TBC1D4: variants seen among roughly 807,000 people sequenced by gnomAD.
TBC1D4 encodes the protein TBC (Tre-2, BUB2, CDC16) domain-containing protein.
A neutral mutation model predicts 142.5 loss-of-function variants in TBC1D4; 121 were observed. The ratio of observed to expected loss-of-function variants is 0.85; its 90% CI spans 0.73 to 0.99. The LOEUF is 0.99. TBC1D4 is among the 50% of genes least tolerant of loss of function. The pLI is 0.00. For synonymous variants in TBC1D4, 630 were observed against 628.2 expected (o/e 1.00, Z -0.04); for missense variants, 1,475 against 1,606.6 (o/e 0.92, Z 1.40).
chr13:75,294,827 T>C, intron 18 of TBC1D4, 27 bp downstream of exon 18: 26 of 1,608,552 alleles, frequency 1.6e-5, no homozygotes, highest in Non-Finnish European at 2.2e-5. Flanking sequence ...AATAATACTG[T>C]TCCATTTAAT....
intron 12 of TBC1D4, 100 bp from the exon 13 acceptor site, chr13:75,312,998 G>C: frequency 1.5e-6 from 2 of 1,355,378 alleles, no homozygotes; most frequent in South Asian, 2.4e-5. Flanking sequence ...TTCTGTCACG[G>C]GCAAGCACAA....
intron 1 of TBC1D4, among the ~76,000 whole-genome samples, chr13:75,453,144 C>T (rs1280983280): frequency 6.6e-6 from 1 of 151,546 alleles, no homozygotes; most frequent in Non-Finnish European, 1.5e-5. Flanking sequence ...ATACATAATT[C>T]CTGAATTAAT....
intron 1 of TBC1D4, among the ~76,000 whole-genome samples, chr13:75,447,527 T>TGC (rs1887341149): frequency 6.6e-6 from 1 of 151,434 alleles, no homozygotes; most frequent in Non-Finnish European, 1.5e-5. Context: ...TGTGTGTGTG[T>TGC]GTGTGTGTAC....
At chr13:75,428,180 CT>C (rs932923490) in intron 1 of TBC1D4, among the ~76,000 whole-genome samples, 6 of 151,890 alleles carry the variant, frequency 4.0e-5, no homozygotes, top group African/African-American at 1.5e-4. Flanking sequence ...TTGGGGAGGA[CT>C]TGGGGGGAGT....
In TBC1D4 at chr13:75,286,615, G is replaced by A; in HGVS notation, c.*177C>T. ...AAAAACCAGTCTACATATGTCCAAT[G>A]GCTTAGGATTGGCATGCTCTGATGA... On this transcript the variant is annotated 3_prime_UTR_variant, in exon 21 of 21. Transcript: ENST00000377636. 1 of 640,818 alleles carries A rather than the reference G, an allele frequency of 1.6e-6. No homozygotes were observed. Among genetic ancestry groups the A allele is most frequent in the Non-Finnish European group, 2.8e-6 (1 of 360,714 alleles). 39.7% of individuals were successfully genotyped at this position (640,818 alleles called of 1,614,324 possible).
chr13:75,291,794 A>G (rs1391855222), intron 19 of TBC1D4, among the ~76,000 whole-genome samples: 1 of 152,196 alleles, frequency 6.6e-6, no homozygotes, highest in Non-Finnish European at 1.5e-5. Context: ...TTAACAATAT[A>G]ACAAAGGCAA....
intron 1 of TBC1D4, among the ~76,000 whole-genome samples, chr13:75,458,434 T>C (rs558412437): frequency 6.6e-6 from 1 of 152,198 alleles, no homozygotes; most frequent in Admixed American, 6.5e-5. Context: ...GGGCTCGAGG[T>C]AGGGATGTGG....
intron 8 of TBC1D4, among the ~76,000 whole-genome samples, chr13:75,333,579 T>A (rs1478649763): frequency 6.6e-6 from 1 of 152,122 alleles, no homozygotes; most frequent in Non-Finnish European, 1.5e-5. Flanking sequence ...AATATAAAGC[T>A]CCACCACCCT....
At chr13:75,343,683 C>T (rs1315927955) in intron 5 of TBC1D4, among the ~76,000 whole-genome samples, 1 of 151,880 alleles carries the variant, frequency 6.6e-6, no homozygotes, top group Non-Finnish European at 1.5e-5. Context: ...CACCCAGCTA[C>T]TTTTGTATTT....
At chr13:75,365,542 A>C (rs150491179) in intron 1 of TBC1D4, among the ~76,000 whole-genome samples, 213 of 152,336 alleles carry the variant, frequency 1.4e-3, no homozygotes, top group African/African-American at 4.6e-3. Flanking sequence ...GAAACAATGC[A>C]AGAGAAATAA....
chr13:75,384,604 C>A (rs1011907561), intron 1 of TBC1D4, among the ~76,000 whole-genome samples: 14 of 150,668 alleles, frequency 9.3e-5, no homozygotes, highest in Non-Finnish European at 2.1e-4. Flanking sequence ...AGGTTGCCAC[C>A]GCAAAATACA....
intron 1 of TBC1D4, among the ~76,000 whole-genome samples, chr13:75,421,936 C>A (rs1344989362): frequency 6.6e-6 from 1 of 152,156 alleles, no homozygotes; most frequent in Non-Finnish European, 1.5e-5. Context: ...AAAGATTGTG[C>A]ACTCAAATGC....
intron 1 of TBC1D4, among the ~76,000 whole-genome samples, chr13:75,430,377 T>C (rs1886547400): frequency 6.6e-6 from 1 of 152,250 alleles, no homozygotes; most frequent in African/African-American, 2.4e-5. Flanking sequence ...AATGGTATTT[T>C]TGTGAATTCT....
At chr13:75,347,031 A>T (rs1003963501) in intron 5 of TBC1D4, among the ~76,000 whole-genome samples, 1 of 152,164 alleles carries the variant, frequency 6.6e-6, no homozygotes, top group Non-Finnish European at 1.5e-5. Context: ...TACTTACATA[A>T]AAGTTTTTCT....
intron 1 of TBC1D4, among the ~76,000 whole-genome samples, chr13:75,468,903 T>C (rs992900896): frequency 2.0e-5 from 3 of 152,162 alleles, no homozygotes; most frequent in African/African-American, 7.2e-5. Context: ...AGTGTGAAGC[T>C]TACATTCCAG....
chr13:75,394,205 T>A (rs577422327), intron 1 of TBC1D4, among the ~76,000 whole-genome samples: 1 of 152,342 alleles, frequency 6.6e-6, no homozygotes, highest in African/African-American at 2.4e-5. Context: ...AGAAAAGTCA[T>A]GACACTAGTA....
Position 75,332,364 on chromosome 13 carries a change from T to C in TBC1D4, c.1732-4538A>G, listed in dbSNP as rs186736855. ...ACTATGGCTTAGAAAAGGCAAATAA[T>C]TCATCCAAGATCATAAATATAAAAT... On this transcript the variant is annotated intron_variant, in intron 8 of 20. Transcript: ENST00000377636. Among the ~76,000 whole-genome samples, 3 of 152,330 alleles carry C rather than the reference T, an allele frequency of 2.0e-5. No individual in the cohort carries two copies. The East Asian group carries it at 5.8e-4, about 29-fold the overall frequency.
intron 1 of TBC1D4, among the ~76,000 whole-genome samples, chr13:75,461,772 A>G (rs2138284556): frequency 6.6e-6 from 1 of 152,330 alleles, no homozygotes; most frequent in Middle Eastern, 3.4e-3. Flanking sequence ...AATGTTACTT[A>G]TTTATCAATT....
chr13:75,317,548 C>T (rs1227822025), intron 12 of TBC1D4, among the ~76,000 whole-genome samples: 3 of 152,160 alleles, frequency 2.0e-5, no homozygotes, highest in Non-Finnish European at 4.4e-5. Context: ...ATCATCTTTA[C>T]ATTTCTTAAA....
Sources: gnomAD v4.1 joint callset for allele counts (sites outside exome capture counted in the v4.1 genomes callset) on GRCh38, gnomAD v4.1.1 for gene constraint, MANE v1.5 for transcripts, NCBI Gene and HGNC (gene_info 2026-07-23, HGNC 2026-07-21) for gene names.